The following PDE9A variants were observed in gnomAD, a reference collection of about 807,000 sequenced individuals.
PDE9A encodes the protein phosphodiesterase 9A.
In PDE9A, 60 loss-of-function variants were observed where a neutral mutation model predicts 87.4. The ratio of observed to expected loss-of-function variants is 0.69; its 90% CI spans 0.56 to 0.85. The LOEUF is 0.85. Among genes scored for constraint, PDE9A ranks in the 40% least tolerant of loss-of-function variants. The pLI is 0.00. For synonymous variants in PDE9A, 272 were observed against 279.4 expected (o/e 0.97, Z 0.27); for missense variants, 665 against 779.0 (o/e 0.85, Z 1.74).
chr21:42,690,353 C>CGGATCTAGACAGCGATGT (rs1569153652), intron 3 of PDE9A, among the ~76,000 whole-genome samples: 11 of 151,128 alleles, frequency 7.3e-5, no homozygotes, highest in East Asian at 5.9e-4. Context: ...ACAGGTGATG[C>CGGATCTAGACAGCGATGT]GGAAACGGAT....
At chr21:42,754,722 G>A (rs897827997) in intron 10 of PDE9A, among the ~76,000 whole-genome samples, 10 of 152,124 alleles carry the variant, frequency 6.6e-5, no homozygotes, top group South Asian at 2.1e-4. Context: ...TACTGTTCTC[G>A]TGATAGTGAG....
chr21:42,670,293 TCA>T lies in PDE9A; in HGVS notation c.70-15892_70-15891del, dbSNP rs540427240. Among the ~76,000 whole-genome samples, 511 of 144,048 alleles carry T rather than the reference TCA, an allele frequency of 3.5e-3. 5 individuals are homozygous for T. The highest frequency in any genetic ancestry group is 0.012 in the African/African-American group (426 of 37,010). 94.5% of individuals were successfully genotyped at this position (144,048 alleles called of 152,430 possible). On this transcript the variant is annotated intron_variant, in intron 1 of 19. Coordinates refer to ENST00000291539, the MANE Select transcript of PDE9A (RefSeq NM_002606.3). Reference sequence around the variant, plus strand: ...TATTCACACATTCACACATACACATTCACACACATACACTTAGACACCACACT... The same window carrying T: ...TATTCACACATTCACACATACACATTCACACATACACTTAGACACCACACT...
chr21:42,693,569 C>T (rs903920289), intron 3 of PDE9A, among the ~76,000 whole-genome samples: 2 of 149,590 alleles, frequency 1.3e-5, no homozygotes, highest in Non-Finnish European at 3.0e-5. Flanking sequence ...CGATTACAGG[C>T]GTGAGCCACC....
intron 8 of PDE9A, among the ~76,000 whole-genome samples, chr21:42,744,583 C>T (rs887520406): frequency 2.3e-4 from 35 of 152,174 alleles, no homozygotes; most frequent in African/African-American, 4.6e-4. Context: ...TGCATTCCAG[C>T]GAGGGCTTCA....
At chr21:42,654,801 T>G (rs73905711) in intron 1 of PDE9A, among the ~76,000 whole-genome samples, 7,754 of 152,134 alleles carry the variant, frequency 0.051, 648 homozygotes, top group African/African-American at 0.18. Context: ...CCAACAAGCC[T>G]CCCTCACCCT....
At position 42,770,777 on chromosome 21, in the gene PDE9A, G is replaced by T; in HGVS notation, c.1665G>T (p.Arg555=). The part of the protein sequence containing the change: ...ESRDRYEELK[R]IDDAMKELQK... ...GAGATCGCTACGAGGAGCTGAAGCG[G>T]ATAGATGACGCCATGAAAGAGGTAA... Residue 555 remains arginine (R), a synonymous_variant, in exon 18 of 20, where the codon CGG becomes CGT. Transcript: ENST00000291539. 6.2e-7 allele frequency: 1 copy of T among 1,613,894 alleles called. No homozygotes were observed. The highest frequency in any genetic ancestry group is 8.5e-7 in the Non-Finnish European group (1 of 1,179,754).
intron 7 of PDE9A, chr21:42,741,279 C>G (rs911311272): frequency 6.6e-6 from 1 of 152,242 alleles, no homozygotes; most frequent in African/African-American, 2.4e-5. Flanking sequence ...AATCCACATG[C>G]AAACCCAAAA....
intron 7 of PDE9A, among the ~76,000 whole-genome samples, chr21:42,738,230 C>T (rs538183760): frequency 9.2e-5 from 14 of 152,332 alleles, no homozygotes; most frequent in African/African-American, 3.4e-4. Context: ...CAAAGTTTAA[C>T]ACAGGCCATA....
chr21:42,655,636 C>T (rs1271779738), intron 1 of PDE9A, among the ~76,000 whole-genome samples: 3 of 152,066 alleles, frequency 2.0e-5, no homozygotes, highest in African/African-American at 4.8e-5. Context: ...CTGGCATCCC[C>T]GTCCATAAAG....
intron 4 of PDE9A, among the ~76,000 whole-genome samples, chr21:42,706,253 G>A (rs1260079330): frequency 6.6e-6 from 1 of 152,222 alleles, no homozygotes; most frequent in Non-Finnish European, 1.5e-5. Flanking sequence ...TGAAGGCTTA[G>A]TATGAAAAAG....
intron 19 of PDE9A, among the ~76,000 whole-genome samples, chr21:42,773,478 G>C (rs1407946513): frequency 6.6e-6 from 1 of 152,140 alleles, no homozygotes; most frequent in African/African-American, 2.4e-5. Context: ...CAGCTCACGG[G>C]GAATGCAGAG....
chr21:42,673,499 C>T (rs1237619792), intron 1 of PDE9A, among the ~76,000 whole-genome samples: 1 of 152,234 alleles, frequency 6.6e-6, no homozygotes, highest in Non-Finnish European at 1.5e-5. Context: ...ACAATTTTAG[C>T]AACTGAACCC....
chr21:42,670,224 T>A (rs1191912998), intron 1 of PDE9A, among the ~76,000 whole-genome samples: 10 of 92,686 alleles, frequency 1.1e-4, no homozygotes, highest in African/African-American at 7.7e-4. Context: ...TTCACACACA[T>A]ACACTTACAT....
chr21:42,668,895 T>TCCCCCCCCCCCCC (rs1229611821), intron 1 of PDE9A, among the ~76,000 whole-genome samples: 7 of 99,610 alleles, frequency 7.0e-5, no homozygotes, highest in African/African-American at 1.7e-4. Context: ...AGCTGCTCCC[T>TCCCCCCCCCCCCC]CCACCCCCCG....
At chr21:42,768,528 A>G (rs2056616751) in intron 16 of PDE9A, 2 of 1,307,202 alleles carry the variant, frequency 1.5e-6, no homozygotes, top group Non-Finnish European at 1.9e-6. Context: ...GTCACCTGTC[A>G]CTGCTAATTG....
rs1216471011 is a variant in PDE9A, at chr21:42,696,966, G to A, written c.219-2002G>A. Among the ~76,000 whole-genome samples the A allele has an allele frequency of 6.6e-6, 1 of 152,192 alleles. No homozygotes were observed. Among genetic ancestry groups the A allele is most frequent in the African/African-American group, 2.4e-5 (1 of 41,446 alleles). On this transcript the variant is annotated intron_variant, in intron 3 of 19. Coordinates refer to ENST00000291539, the MANE Select transcript of PDE9A (RefSeq NM_002606.3). The surrounding 1 kb of genome is among the most constrained non-coding windows in gnomAD (Gnocchi z 5.1). ...GTGCCTCTTATGACCAAGTCTCTGG[G>A]GAGAAATGAGCCCTCCAGTGCCAAA...
intron 9 of PDE9A, among the ~76,000 whole-genome samples, chr21:42,752,032 C>T (rs545891884): frequency 2.0e-5 from 3 of 148,456 alleles, no homozygotes; most frequent in South Asian, 2.2e-4. Context: ...CCACCGCACC[C>T]GGCCCGGCCC....
At chr21:42,712,396 A>G (rs1487941778) in intron 4 of PDE9A, among the ~76,000 whole-genome samples, 2 of 152,188 alleles carry the variant, frequency 1.3e-5, no homozygotes, top group Admixed American at 6.5e-5. Flanking sequence ...TGCTTAATTC[A>G]TTGGTTAGTT....
At chr21:42,676,979 G>C (rs1408354911) in intron 1 of PDE9A, among the ~76,000 whole-genome samples, 1 of 152,174 alleles carries the variant, frequency 6.6e-6, no homozygotes, top group Non-Finnish European at 1.5e-5. Context: ...AGCTCCACGG[G>C]GCCCAGCGTC....
Sources: gnomAD v4.1 joint callset for allele counts (sites outside exome capture counted in the v4.1 genomes callset) on GRCh38, gnomAD v4.1.1 for gene constraint, Gnocchi (gnomAD v3.1) non-coding constraint, MANE v1.5 for transcripts, NCBI Gene and HGNC (gene_info 2026-07-23, HGNC 2026-07-21) for gene names.